CSMD3: variants seen among roughly 807,000 people sequenced by gnomAD.
The protein encoded by CSMD3 is CUB and Sushi multiple domains 3.
Under a neutral mutation model 435.2 loss-of-function variants are expected in CSMD3, and 177 were observed. The observed-to-expected ratio is 0.41, with a 90% CI of 0.36 to 0.46. The LOEUF (loss-of-function observed/expected upper bound fraction) is 0.46. CSMD3 is among the 20% of genes least tolerant of loss of function. The pLI is 0.34. For synonymous variants in CSMD3, 1,656 were observed against 1,520.5 expected, an observed-to-expected ratio of 1.09 and a Z score of -2.07; for missense variants, 4,265 against 4,504.6, an observed-to-expected ratio of 0.95 and a Z score of 1.52.
intron 38 of CSMD3, among the ~76,000 whole-genome samples, chr8:112,359,019 A>C (rs188890870): frequency 6.6e-6 from 1 of 152,328 alleles, no homozygotes; most frequent in East Asian, 1.9e-4. Context: ...GCCTTAACAA[A>C]ATGTTTGCTT....
chr8:112,281,354 TA>T lies in CSMD3; in HGVS notation c.9332-5del. 6.2e-7 allele frequency: 1 copy of T among 1,610,842 alleles called. No individual in the cohort carries two copies. Among genetic ancestry groups the T allele is most frequent in the African/African-American group, 1.3e-5 (1 of 74,962 alleles). On this transcript the variant is annotated splice_region_variant and splice_polypyrimidine_tract_variant and intron_variant, in intron 58 of 70. Transcript: ENST00000297405. ...CCTGGGTTACCACACTGCACAGCTATAAAACAAAGTGTTTAAGAGTATATAT... is the reference window on the plus strand; with the variant it reads ...CCTGGGTTACCACACTGCACAGCTATAAACAAAGTGTTTAAGAGTATATAT...
At chr8:113,274,962 C>T (rs1253462054) in intron 3 of CSMD3, among the ~76,000 whole-genome samples, 1 of 151,508 alleles carries the variant, frequency 6.6e-6, no homozygotes, top group Non-Finnish European at 1.5e-5. Flanking sequence ...AAGAACAGAC[C>T]ATAAAAATAG....
chr8:113,410,408 A>G (rs528168106), intron 1 of CSMD3, among the ~76,000 whole-genome samples: 5 of 152,254 alleles, frequency 3.3e-5, no homozygotes, highest in African/African-American at 1.2e-4. Flanking sequence ...AAATCCAATA[A>G]TCTTTTCTAA....
At chr8:113,221,722 T>C (rs1256115736) in intron 3 of CSMD3, among the ~76,000 whole-genome samples, 1 of 151,268 alleles carries the variant, frequency 6.6e-6, no homozygotes, top group Non-Finnish European at 1.5e-5. Flanking sequence ...GCCCCTTATT[T>C]CATTCAGTTC....
At chr8:113,206,418 T>C (rs2092771588) in intron 3 of CSMD3, among the ~76,000 whole-genome samples, 1 of 152,176 alleles carries the variant, frequency 6.6e-6, no homozygotes, top group African/African-American at 2.4e-5. Flanking sequence ...AATGTTACCT[T>C]ATCACATCCT....
At chr8:113,099,091 T>A in intron 4 of CSMD3, 128 bp from the exon 5 acceptor site, 1 of 686,682 alleles carries the variant, frequency 1.5e-6, no homozygotes, top group Non-Finnish European at 2.6e-6. Context: ...GTGCATAATA[T>A]ACTAATAGAG....
In CSMD3 at chr8:113,330,479, T is replaced by A. The variant is rs75403315; in HGVS notation, c.179-15686A>T. Among the ~76,000 whole-genome samples the A allele has an allele frequency of 9.1e-3, 1,377 of 151,930 alleles. 14 individuals are homozygous for A. The highest frequency in any genetic ancestry group is 0.032 in the African/African-American group (1,326 of 41,488). ...GCCTTGTCAGTAATAACATCAAATA[T>A]AAATGGAATAAACACTCCAATTAAA... On this transcript the variant is annotated intron_variant, in intron 1 of 70. Coordinates refer to ENST00000297405, the MANE Select transcript of CSMD3 (RefSeq NM_198123.2).
rs112062106 is a variant in CSMD3, at chr8:113,179,803, T to C, written c.515-5887A>G. Among the ~76,000 whole-genome samples, 443 of 151,688 alleles carry C rather than the reference T, an allele frequency of 2.9e-3. 3 individuals carry two copies. The highest frequency in any genetic ancestry group is 9.9e-3 in the African/African-American group (408 of 41,418). On this transcript the variant is annotated intron_variant, in intron 3 of 70. Coordinates refer to ENST00000297405, the MANE Select transcript of CSMD3 (RefSeq NM_198123.2). ...TTTCCTTGGATAAATGAAATAAAAC[T>C]CTACCAAGAAATTTTTAAAAAAAAG...
At chr8:113,064,205 T>C (rs1350653628) in intron 5 of CSMD3, among the ~76,000 whole-genome samples, 1 of 151,898 alleles carries the variant, frequency 6.6e-6, no homozygotes, top group African/African-American at 2.4e-5. Context: ...ACATGAACCA[T>C]TTGCTTTGTG....
At chr8:112,394,162 A>G (rs1830677377) in intron 35 of CSMD3, among the ~76,000 whole-genome samples, 2 of 152,164 alleles carry the variant, frequency 1.3e-5, no homozygotes, top group Non-Finnish European at 2.9e-5. Flanking sequence ...CATAAACCTA[A>G]GATTCATCTT....
intron 13 of CSMD3, among the ~76,000 whole-genome samples, chr8:112,725,257 T>A (rs750354923): frequency 7.9e-5 from 12 of 152,078 alleles, no homozygotes; most frequent in Middle Eastern, 3.4e-3. Flanking sequence ...CTGGCTAAAC[T>A]AAAATCTTAG....
At chr8:113,135,608 A>G (rs1218173776) in intron 4 of CSMD3, among the ~76,000 whole-genome samples, 3 of 151,736 alleles carry the variant, frequency 2.0e-5, no homozygotes, top group South Asian at 4.1e-4. Context: ...TATATTTAAA[A>G]TATGTATTAT....
intron 1 of CSMD3, among the ~76,000 whole-genome samples, chr8:113,398,467 T>A (rs531980258): frequency 3.9e-4 from 59 of 152,322 alleles, no homozygotes; most frequent in African/African-American, 1.4e-3. Flanking sequence ...ATTTTTACTT[T>A]TCAGAATATT....
intron 27 of CSMD3, among the ~76,000 whole-genome samples, chr8:112,549,555 A>T (rs1827491646): frequency 6.6e-6 from 1 of 152,002 alleles, no homozygotes; most frequent in South Asian, 2.1e-4. Flanking sequence ...TGTTTACTTA[A>T]AACGGTATAT....
intron 13 of CSMD3, among the ~76,000 whole-genome samples, chr8:112,775,349 A>G (rs997485556): frequency 6.6e-6 from 1 of 151,938 alleles, no homozygotes; most frequent in Non-Finnish European, 1.5e-5. Flanking sequence ...GCATAAATCC[A>G]AAAACTAGAA....
At chr8:113,216,766 G>A (rs967866129) in intron 3 of CSMD3, among the ~76,000 whole-genome samples, 4 of 151,870 alleles carry the variant, frequency 2.6e-5, no homozygotes, top group Non-Finnish European at 4.4e-5. Context: ...TTTGACCTGA[G>A]AAGCTTTAGA....
At chr8:113,086,179 G>A (rs1393312396) in intron 5 of CSMD3, among the ~76,000 whole-genome samples, 1 of 151,582 alleles carries the variant, frequency 6.6e-6, no homozygotes, top group Non-Finnish European at 1.5e-5. Context: ...TACCTGGGAG[G>A]CGGAGCTTGA....
intron 13 of CSMD3, among the ~76,000 whole-genome samples, chr8:112,739,476 T>C (rs980451440): frequency 2.6e-5 from 4 of 151,812 alleles, no homozygotes; most frequent in African/African-American, 4.8e-5. Context: ...CTTTAATTCA[T>C]GCATCCTGTA....
At chr8:113,336,293 T>C (rs897636242) in intron 1 of CSMD3, among the ~76,000 whole-genome samples, 2 of 152,050 alleles carry the variant, frequency 1.3e-5, no homozygotes, top group Admixed American at 1.3e-4. Context: ...TGCTGAAACT[T>C]TTAAATTTTT....
Sources: allele counts gnomAD v4.1 joint callset (sites outside exome capture counted in the v4.1 genomes callset), GRCh38; gene constraint gnomAD v4.1.1; transcripts MANE v1.5; gene names NCBI Gene and HGNC (gene_info 2026-07-23, HGNC 2026-07-21).